Variants in ZNF616 observed in about 807,000 individuals in gnomAD.
ZNF616 encodes zinc finger protein 616.
In ZNF616, 5 loss-of-function variants were observed where a neutral mutation model predicts 7.6. That is an observed-to-expected ratio of 0.66 (90% CI 0.34 to 1.38). The LOEUF is 1.38. Among genes scored for constraint, ZNF616 ranks in the 40% most tolerant of loss-of-function variants. The probability of loss-of-function intolerance (pLI) is 0.04; values close to 1 mark genes in which losing one functional copy is unlikely to be tolerated. For synonymous variants in ZNF616, 319 were observed against 317.2 expected (o/e 1.01, Z -0.06); for missense variants, 913 against 948.3 (o/e 0.96, Z 0.49).
chr19:52,119,245 C>A (rs2088848450), intron 3 of ZNF616, among the ~76,000 whole-genome samples: 1 of 151,848 alleles, frequency 6.6e-6, no homozygotes, highest in African/African-American at 2.4e-5. Flanking sequence ...GGTGTGGGGG[C>A]AGGTGTCTGT....
chr19:52,138,503 C>T (rs528473960), intron 1 of ZNF616: 1 of 152,342 alleles, frequency 6.6e-6, no homozygotes, highest in African/African-American at 2.4e-5. Flanking sequence ...CTCTTCACTA[C>T]TATGTGTTTC....
chr19:52,133,814 C>T (rs1449991369), intron 1 of ZNF616, among the ~76,000 whole-genome samples: 2 of 152,056 alleles, frequency 1.3e-5, no homozygotes, highest in Non-Finnish European at 1.5e-5. Flanking sequence ...CGTCTGGCCC[C>T]ATCACCCGGG....
At chr19:52,129,876 G>C (rs1233765370) in intron 2 of ZNF616, among the ~76,000 whole-genome samples, 1 of 151,402 alleles carries the variant, frequency 6.6e-6, no homozygotes, top group East Asian at 2.0e-4. Flanking sequence ...CTCCACCTCC[G>C]GGTTCAAGCT....
Position 52,114,888 on chromosome 19 carries a change from C to T in ZNF616, c.2276G>A (p.Gly759Asp). 6 of 1,613,262 alleles carry T rather than the reference C, an allele frequency of 3.7e-6. No homozygotes were observed. Among genetic ancestry groups the T allele is most frequent in the Non-Finnish European group, 5.1e-6 (6 of 1,179,494 alleles). ...ATGTCTTATTCGATGTTTAGTGAGG[C>T]CTGAGCGACAAATAAAAGATTTCCC... Reference protein sequence around the residue: ...ECGKSFICRSGLTKHRIRHTG... With the variant: ...ECGKSFICRSDLTKHRIRHTG... Residue 759 changes from glycine to aspartate, a missense_variant, in exon 4 of 4, where the codon GGC (glycine) becomes GAC (aspartate). Coordinates refer to ENST00000600228, the MANE Select transcript of ZNF616 (RefSeq NM_178523.5).
chr19:52,134,370 A>G (rs2088989899), intron 1 of ZNF616, among the ~76,000 whole-genome samples: 1 of 152,236 alleles, frequency 6.6e-6, no homozygotes, highest in South Asian at 2.1e-4. Flanking sequence ...TCCTTCAACA[A>G]TAAGAAACTG....
At position 52,116,668 on chromosome 19, in the gene ZNF616, T is replaced by C; in HGVS notation, c.496A>G (p.Thr166Ala). 1 of 1,614,168 alleles carries C rather than the reference T, an allele frequency of 6.2e-7. No homozygotes were observed. Among genetic ancestry groups the C allele is most frequent in the East Asian group, 2.2e-5 (1 of 44,878 alleles). Residue 166 changes from threonine (T) to alanine (A), a missense_variant, in exon 4 of 4, where the codon ACG becomes GCG. Physicochemically the swap from Thr to Ala is moderately conservative, Grantham distance 58 (BLOSUM62 0). Transcript: ENST00000600228. ...TEGRLYECNE[T>A]EKTGNNGCLV... ...CAACCATTATTACCTGTCTTCTCCG[T>C]TTCATTACATTCATAAAGTCTCCCT...
intron 1 of ZNF616, among the ~76,000 whole-genome samples, chr19:52,133,169 C>T (rs1039013592): frequency 2.0e-5 from 3 of 152,114 alleles, no homozygotes; most frequent in South Asian, 2.1e-4. Context: ...GAAGTGAAGA[C>T]GGAGAGTATA....
Position 52,115,070 on chromosome 19 carries a change from G to A in ZNF616, c.2094C>T (p.Phe698=), listed in dbSNP as rs752479387. Residue 698 remains phenylalanine (F), a synonymous_variant, in exon 4 of 4, where the codon TTC becomes TTT. Coordinates refer to ENST00000600228, the MANE Select transcript of ZNF616 (RefSeq NM_178523.5). ...GACTTACAAGATGTGAACTATGCCT[G>A]AATACCTTGCCACATTCATCACATT... ...PYKCDECGKV[F]RHSSHLVSHQ... is the part of the protein sequence containing the mutation. 2 of 1,614,144 alleles carry A rather than the reference G, an allele frequency of 1.2e-6. No individual in the cohort carries two copies. The highest frequency in any genetic ancestry group is 3.3e-5 in the Admixed American group (2 of 60,020).
Position 52,116,725 on chromosome 19 carries a change from G to A in ZNF616, c.439C>T (p.Arg147Cys), listed in dbSNP as rs781207679. 14 of 1,613,978 alleles carry A rather than the reference G, an allele frequency of 8.7e-6. No homozygotes were observed. Among genetic ancestry groups the A allele is most frequent in the South Asian group, 6.6e-5 (6 of 91,084 alleles). Residue 147 changes from arginine (R) to cysteine (C), a missense_variant, in exon 4 of 4, where the codon CGT becomes TGT. By Grantham distance (180) the Arg-to-Cys change is radical (BLOSUM62 -3). Transcript: ENST00000600228. The part of the protein sequence containing the change: ...ENQLTSNFES[R>C]LAELQKVQTE... ...TGAACTTTCTGCAGTTCAGCCAGAC[G>A]TGACTCAAAGTTTGATGTAAGCTGG...
intron 2 of ZNF616, among the ~76,000 whole-genome samples, chr19:52,125,086 T>C (rs2088894473): frequency 6.6e-6 from 1 of 152,162 alleles, no homozygotes; most frequent in Non-Finnish European, 1.5e-5. Context: ...AAATGAATTG[T>C]GGAGGAGAGA....
Position 52,115,904 on chromosome 19 carries a change from T to G in ZNF616, c.1260A>C (p.Lys420Asn), listed in dbSNP as rs1453396354. 1 of 1,613,778 alleles carries G rather than the reference T, an allele frequency of 6.2e-7. No individual in the cohort carries two copies. Among genetic ancestry groups the G allele is most frequent in the Non-Finnish European group, 8.5e-7 (1 of 1,179,986 alleles). Residue 420 changes from lysine to asparagine, a missense_variant, in exon 4 of 4, where the codon AAA (lysine) becomes AAC (asparagine). By Grantham distance (94) the Lys-to-Asn change is moderately conservative. Transcript: ENST00000600228. Reference sequence around the variant, plus strand: ...TCTGATGCACTGCAAGACTTGAACGTTTACTGAAGACCTTGCCACATTCAT... The same window carrying G: ...TCTGATGCACTGCAAGACTTGAACGGTTACTGAAGACCTTGCCACATTCAT... Reference protein sequence around the residue: ...KCNECGKVFSKRSSLAVHQRI... With the variant: ...KCNECGKVFSNRSSLAVHQRI...
rs780727113 is a variant in ZNF616, at chr19:52,115,993, T to G, written c.1171A>C (p.Ser391Arg). The change falls in exon 4 of 4, where the codon AGT becomes CGT. Residue 391 changes from serine (S) to arginine (R), a missense_variant. Transcript: ENST00000600228. ...YKCNECGKVF[S>R]KRSSLAVHRR... is the part of the protein sequence containing the mutation. ...TGCACTGCAAGACTTGAACGTTTACTGAAGACCTTGCCACATTCATTGCAT... is the reference window on the plus strand; with the variant it reads ...TGCACTGCAAGACTTGAACGTTTACGGAAGACCTTGCCACATTCATTGCAT... 3 of 1,614,250 alleles carry G rather than the reference T, an allele frequency of 1.9e-6. No homozygotes were observed. Among genetic ancestry groups the G allele is most frequent in the Non-Finnish European group, 2.5e-6 (3 of 1,180,042 alleles).
At position 52,130,521 on chromosome 19, in the gene ZNF616, CCTTTT is replaced by C; in HGVS notation, c.-14_-10del. 1 of 1,608,932 alleles carries C rather than the reference CCTTTT, an allele frequency of 6.2e-7. No homozygotes were observed. On this transcript the variant is annotated 5_prime_UTR_variant, in exon 2 of 4. Coordinates refer to ENST00000600228, the MANE Select transcript of ZNF616 (RefSeq NM_178523.5). ...TCTACCTGAGTAGCCATCACTGACT[CCTTTT>C]CCTTCCTCTTCTTCCTCTTCTGGGT... is the stretch of plus-strand genomic sequence containing the variant.
At position 52,114,530 on chromosome 19, in the gene ZNF616, G is replaced by T. The variant is rs577000609; in HGVS notation, c.*288C>A. On this transcript the variant is annotated 3_prime_UTR_variant, in exon 4 of 4. Coordinates refer to ENST00000600228, the MANE Select transcript of ZNF616 (RefSeq NM_178523.5). ...AATCATGGTGGAAGGCAAAGCGGGT[G>T]TCGGTATTTCACATGGTGAGAATGA... 68 of 288,616 alleles carry T rather than the reference G, an allele frequency of 2.4e-4. No homozygotes were observed. The highest frequency in any genetic ancestry group is 1.4e-3 in the African/African-American group (64 of 46,046). The allele number at this position is 288,616 out of a possible 1,614,324, so 17.9% of individuals were successfully genotyped here.
In ZNF616 at chr19:52,116,192, G is replaced by A. The variant is rs955484809; in HGVS notation, c.972C>T (p.Pro324=). 4 of 1,613,758 alleles carry A rather than the reference G, an allele frequency of 2.5e-6. No individual in the cohort carries two copies. The African/African-American group carries it at 4.0e-5, about 16-fold the overall frequency. The change falls in exon 4 of 4, where the codon CCC becomes CCT. Residue 324 remains proline, a synonymous_variant. Transcript: ENST00000600228. The part of the protein sequence containing the change: ...LHQTVHTGER[P]FKCNECGKTF... Reference sequence around the variant, plus strand: ...TTTTGCCACACTCATTACATTTGAAGGGTCTCTCTCCAGTATGAACTGTCT... The same window carrying A: ...TTTTGCCACACTCATTACATTTGAAAGGTCTCTCTCCAGTATGAACTGTCT...
intron 1 of ZNF616, among the ~76,000 whole-genome samples, chr19:52,133,573 C>T (rs774026189): frequency 6.6e-6 from 1 of 152,074 alleles, no homozygotes; most frequent in Non-Finnish European, 1.5e-5. Context: ...GGCTGGAGTG[C>T]AATGGCACGA....
intron 2 of ZNF616, among the ~76,000 whole-genome samples, chr19:52,124,401 C>A (rs556970031): frequency 6.6e-6 from 1 of 152,166 alleles, no homozygotes; most frequent in Non-Finnish European, 1.5e-5. Flanking sequence ...ATGTCTACAG[C>A]GGCTTTAAAG....
intron 2 of ZNF616, among the ~76,000 whole-genome samples, chr19:52,126,063 C>G (rs116806763): frequency 0.013 from 1,998 of 152,242 alleles, 44 homozygotes; most frequent in African/African-American, 0.046. Flanking sequence ...CTGAACAAAG[C>G]AGCCACCAAA....
rs1435744452 is a variant in ZNF616, at chr19:52,114,492, T to G, written c.*326A>C. 4.4e-6 allele frequency: 1 copy of G among 228,558 alleles called. No homozygotes were observed. The allele number at this position is 228,558 out of a possible 1,614,324, so 14.2% of individuals were successfully genotyped here. On this transcript the variant is annotated 3_prime_UTR_variant, in exon 4 of 4. Coordinates refer to ENST00000600228, the MANE Select transcript of ZNF616 (RefSeq NM_178523.5). ...CATCTGATCACCCTCTAGGGAAGCC[T>G]CAGGAAGGTTAAAATCATGGTGGAA...
Sources: gnomAD v4.1 joint callset for allele counts (sites outside exome capture counted in the v4.1 genomes callset) on GRCh38, gnomAD v4.1.1 for gene constraint, MANE v1.5 for transcripts, NCBI Gene and HGNC (gene_info 2026-07-23, HGNC 2026-07-21) for gene names.